SH3KBP1: variants seen among roughly 807,000 people sequenced by gnomAD.
The protein encoded by SH3KBP1 is SH3 domain-containing kinase-binding protein 1.
A neutral mutation model predicts 50.1 loss-of-function variants in SH3KBP1; 8 were observed. The ratio of observed to expected loss-of-function variants is 0.16; its 90% confidence interval spans 0.09 to 0.29. SH3KBP1 has a LOEUF of 0.29. Ranked by LOEUF, SH3KBP1 falls within the 10% of genes least tolerant of loss-of-function variation. The probability of loss-of-function intolerance (pLI) is 1.00; values close to 1 mark genes in which losing one functional copy is unlikely to be tolerated. For missense variants in SH3KBP1, 377 were observed against 535.2 expected, an observed-to-expected ratio of 0.70 and a Z score of 2.92; for synonymous variants, 227 against 218.6, an observed-to-expected ratio of 1.04 and a Z score of -0.34.
intron 4 of SH3KBP1, among the ~76,000 whole-genome samples, chrX:19,705,856 T>C (rs2063642547): frequency 8.9e-6 from 1 of 112,255 alleles, no homozygotes; most frequent in Admixed American, 9.4e-5. Flanking sequence ...TTTATTGCAC[T>C]GTAGGGCACT....
In SH3KBP1 at chrX:19,783,625, T is replaced by C. The variant is rs2066252822; in HGVS notation, c.163-37184A>G. ...GAGCTCAGACTTTTTAGCTCCCAGA[T>C]GTAAGTAAAAACGTGCACAGACCCT... On this transcript the variant is annotated intron_variant, in intron 2 of 17. Transcript: ENST00000397821. Among the ~76,000 whole-genome samples, 5 of 111,427 alleles carry C rather than the reference T, an allele frequency of 4.5e-5. No homozygotes were observed. The South Asian group carries it at 1.9e-3, about 42-fold the overall frequency.
At chrX:19,755,875 C>T (rs1397862543) in intron 2 of SH3KBP1, among the ~76,000 whole-genome samples, 1 of 111,398 alleles carries the variant, frequency 9.0e-6, no homozygotes, top group Non-Finnish European at 1.9e-5. Context: ...GTTCTGATTA[C>T]CGCTGCATGC....
chrX:19,777,362 G>A (rs941621616), intron 2 of SH3KBP1, among the ~76,000 whole-genome samples: 4 of 110,568 alleles, frequency 3.6e-5, no homozygotes, highest in Non-Finnish European at 7.6e-5. Flanking sequence ...AAGGGCCAGG[G>A]CTGAAAGGTT....
chrX:19,604,415 C>G (rs1197427892), intron 9 of SH3KBP1, among the ~76,000 whole-genome samples: 1 of 111,657 alleles, frequency 9.0e-6, no homozygotes, highest in East Asian at 2.8e-4. Flanking sequence ...GAATTCACAC[C>G]CCAGCAGAAA....
At chrX:19,582,431 T>A (rs1602550788) in intron 12 of SH3KBP1, among the ~76,000 whole-genome samples, 1 of 111,862 alleles carries the variant, frequency 8.9e-6, no homozygotes, top group East Asian at 2.8e-4. Context: ...GGGTGATCCA[T>A]CCCCAACTCC....
chrX:19,593,265 G>A (rs1255341478), intron 10 of SH3KBP1, among the ~76,000 whole-genome samples: 1 of 111,263 alleles, frequency 9.0e-6, no homozygotes, highest in African/African-American at 3.3e-5. Flanking sequence ...CAGTTCCAAA[G>A]ATGGGTGCTT....
At chrX:19,728,016 C>T (rs2064271428) in intron 3 of SH3KBP1, among the ~76,000 whole-genome samples, 1 of 111,682 alleles carries the variant, frequency 9.0e-6, no homozygotes, top group Admixed American at 9.5e-5. Context: ...TAGCTATCAT[C>T]TAACAGGTTG....
intron 1 of SH3KBP1, among the ~76,000 whole-genome samples, chrX:19,854,697 T>A (rs755494350): frequency 7.2e-5 from 8 of 110,952 alleles, no homozygotes; most frequent in Non-Finnish European, 1.5e-4. Flanking sequence ...TGGCTCTAAG[T>A]CCAGCTGGAT....
chrX:19,629,840 G>A (rs923533291), intron 8 of SH3KBP1, among the ~76,000 whole-genome samples: 2 of 112,357 alleles, frequency 1.8e-5, no homozygotes, highest in Non-Finnish European at 1.9e-5. Context: ...TTTCAAATAC[G>A]TTAATCTATG....
Position 19,836,003 on chromosome X carries a change from T to C in SH3KBP1, c.162+122A>G, listed in dbSNP as rs183454773. ...AAAACTATACATGCTTCTCTTGATA[T>C]CACAGAGGAGGGCAAGCCATTCCCT... On this transcript the variant is annotated intron_variant, in intron 2 of 17. Transcript: ENST00000397821. 248 of 636,527 alleles carry C rather than the reference T, an allele frequency of 3.9e-4. 1 individual carries two copies. The African/African-American group carries it at 4.3e-3, about 11-fold the overall frequency. The allele number at this position is 636,527 out of a possible 1,213,427, so 52.5% of individuals were successfully genotyped here. A position where few individuals can be genotyped will look rare whatever the true frequency, so the allele number is the denominator to read the frequency against.
At chrX:19,584,069 GATAA>G (rs2066469423) in intron 12 of SH3KBP1, among the ~76,000 whole-genome samples, 1 of 82,128 alleles carries the variant, frequency 1.2e-5, no homozygotes, top group Non-Finnish European at 2.1e-5. Context: ...TTTCAAAATA[GATAA>G]ATATATATTA....
At chrX:19,567,518 C>CAAAAAAAAAAAAA (rs869158450) in intron 13 of SH3KBP1, among the ~76,000 whole-genome samples, 1 of 7,272 alleles carries the variant, frequency 1.4e-4, no homozygotes, top group African/African-American at 5.6e-4. Context: ...GACTCCATCT[C>CAAAAAAAAAAAAA]AAAAAAAAAA....
chrX:19,769,610 C>T (rs1473849455), intron 2 of SH3KBP1, among the ~76,000 whole-genome samples: 1 of 110,974 alleles, frequency 9.0e-6, no homozygotes, highest in Non-Finnish European at 1.9e-5. Context: ...ATGTTTAATA[C>T]AATGTGTGGT....
intron 2 of SH3KBP1, among the ~76,000 whole-genome samples, chrX:19,751,097 T>G (rs2065052459): frequency 8.9e-6 from 1 of 111,987 alleles, no homozygotes; most frequent in African/African-American, 3.3e-5. Context: ...CACAGTTAAG[T>G]GATGTAACAG....
intron 3 of SH3KBP1, among the ~76,000 whole-genome samples, chrX:19,718,038 A>G (rs1192323796): frequency 9.1e-6 from 1 of 110,404 alleles, no homozygotes; most frequent in Non-Finnish European, 1.9e-5. Context: ...CAGCCATTAA[A>G]TATAACAAGT....
Position 19,612,376 on chromosome X carries a change from C to T in SH3KBP1, c.898-4331G>A, listed in dbSNP as rs1001792617. ...CTCCCAGGTTCAAGCGATTCTCCTG[C>T]GCCAGCCTCCCCAAGTAGCTGGGAT... is the stretch of plus-strand genomic sequence containing the variant. On this transcript the variant is annotated intron_variant, in intron 8 of 17. Transcript: ENST00000397821. Among the ~76,000 whole-genome samples the T allele has an allele frequency of 7.2e-5, 8 of 111,674 alleles. No homozygotes were observed. In the South Asian group the frequency reaches 1.1e-3, roughly 16 times the overall value.
At chrX:19,683,691 A>G in intron 6 of SH3KBP1, 132 bp downstream of exon 6, 1 of 557,905 alleles carries the variant, frequency 1.8e-6, no homozygotes, top group Non-Finnish European at 3.0e-6. Context: ...AAAAGAAGAC[A>G]GGACAAACAA....
intron 2 of SH3KBP1, among the ~76,000 whole-genome samples, chrX:19,786,287 G>A (rs140408453): frequency 5.0e-3 from 552 of 111,107 alleles, no homozygotes; most frequent in Non-Finnish European, 6.8e-3. Flanking sequence ...TCAAGGCCAG[G>A]GAAGAAGGGA....
intron 10 of SH3KBP1, among the ~76,000 whole-genome samples, chrX:19,594,356 T>A (rs1876812448): frequency 8.9e-6 from 1 of 112,386 alleles, no homozygotes; most frequent in Admixed American, 9.4e-5. Flanking sequence ...CCTATATTAT[T>A]CAACCTGAAT....
Sources: allele counts gnomAD v4.1 joint callset (sites outside exome capture counted in the v4.1 genomes callset), GRCh38; gene constraint gnomAD v4.1.1; transcripts MANE v1.5; gene names NCBI Gene and HGNC (gene_info 2026-07-23, HGNC 2026-07-21).